The following XRCC5 variants were observed in gnomAD, a reference collection of about 807,000 sequenced individuals.
XRCC5 encodes X-ray repair cross complementing 5, also known as DNA repair protein Ku80.
A neutral mutation model predicts 95.7 loss-of-function variants in XRCC5; 12 were observed. The ratio of observed to expected loss-of-function variants is 0.13; its 90% CI spans 0.08 to 0.20. The LOEUF is 0.20. Among genes scored for constraint, XRCC5 ranks in the 10% least tolerant of loss-of-function variants. The pLI, the probability that XRCC5 is intolerant of heterozygous loss-of-function variation, is 1.00. For synonymous variants in XRCC5, 281 were observed against 290.3 expected (o/e 0.97, Z 0.33); for missense variants, 595 against 873.9 (o/e 0.68, Z 4.02).
At chr2:216,136,127 C>T (rs941979536) in intron 10 of XRCC5, among the ~76,000 whole-genome samples, 1 of 152,028 alleles carries the variant, frequency 6.6e-6, no homozygotes, top group East Asian at 1.9e-4. Context: ...GAGGCCGAGG[C>T]AGGCGGATCA....
chr2:216,119,700 T>C (rs186081632), intron 5 of XRCC5, among the ~76,000 whole-genome samples: 42 of 152,318 alleles, frequency 2.8e-4, no homozygotes, highest in African/African-American at 9.6e-4. Context: ...TTGCTTCTGT[T>C]AATTCAGAGA....
At chr2:216,118,156 G>A (rs1029472832) in intron 4 of XRCC5, among the ~76,000 whole-genome samples, 1 of 151,206 alleles carries the variant, frequency 6.6e-6, no homozygotes, top group Admixed American at 6.6e-5. Context: ...TTTTTGTTGT[G>A]TGTGTGTATG....
intron 6 of XRCC5, among the ~76,000 whole-genome samples, chr2:216,123,935 G>A (rs1395098057): frequency 2.0e-5 from 3 of 152,198 alleles, no homozygotes; most frequent in Admixed American, 6.5e-5. Context: ...GCATTTCGAC[G>A]CTACTTTGAT....
At chr2:216,143,745 T>C (rs1697208047) in intron 13 of XRCC5, among the ~76,000 whole-genome samples, 1 of 152,166 alleles carries the variant, frequency 6.6e-6, no homozygotes, top group South Asian at 2.1e-4. Flanking sequence ...TCTCACTCTG[T>C]CACCCAGGCT....
At chr2:216,172,466 TTTC>T (rs1181073718) in intron 16 of XRCC5, among the ~76,000 whole-genome samples, 3 of 123,480 alleles carry the variant, frequency 2.4e-5, no homozygotes, top group Non-Finnish European at 5.0e-5. Flanking sequence ...CAGCTTTTCT[TTTC>T]TTTTTTTTTT....
intron 2 of XRCC5, 115 bp from the exon 3 acceptor site, chr2:216,116,544 G>T: frequency 8.9e-7 from 1 of 1,120,886 alleles, no homozygotes. Flanking sequence ...AATACTATAT[G>T]GCCCCAGGGA....
intron 14 of XRCC5, among the ~76,000 whole-genome samples, chr2:216,154,529 T>C (rs764318843): frequency 1.2e-4 from 18 of 152,188 alleles, no homozygotes; most frequent in Non-Finnish European, 2.6e-4. Context: ...TTCACTAATT[T>C]CCCTAATTTG....
At chr2:216,117,953 T>A (rs1463056029) in intron 4 of XRCC5, among the ~76,000 whole-genome samples, 159 bp downstream of exon 4, 1 of 152,220 alleles carries the variant, frequency 6.6e-6, no homozygotes, top group East Asian at 1.9e-4. Flanking sequence ...CCAACCTCTC[T>A]GTTTTTTAAA....
At chr2:216,195,305 C>G (rs977489872) in intron 19 of XRCC5, among the ~76,000 whole-genome samples, 1 of 142,160 alleles carries the variant, frequency 7.0e-6, no homozygotes, top group African/African-American at 2.5e-5. Context: ...GATTCCCACC[C>G]TGGCCACACA....
chr2:216,182,642 G>A (rs1427956160), intron 16 of XRCC5, among the ~76,000 whole-genome samples: 2 of 152,118 alleles, frequency 1.3e-5, no homozygotes, highest in Non-Finnish European at 2.9e-5. Context: ...CTAAAAAGCT[G>A]AAAGATATCA....
At chr2:216,156,792 C>T in intron 14 of XRCC5, 1 of 499,630 alleles carries the variant, frequency 2.0e-6, no homozygotes, top group Non-Finnish European at 4.1e-6. Flanking sequence ...AGTAACCACA[C>T]AATCCTGTCC....
chr2:216,202,609 T>C (rs1466497792), intron 19 of XRCC5, among the ~76,000 whole-genome samples: 1 of 152,184 alleles, frequency 6.6e-6, no homozygotes, highest in Non-Finnish European at 1.5e-5. Context: ...CTCTCTCTTA[T>C]ACCATTGATT....
At chr2:216,133,893 G>T (rs1282680423) in intron 10 of XRCC5, among the ~76,000 whole-genome samples, 1 of 152,176 alleles carries the variant, frequency 6.6e-6, no homozygotes, top group Non-Finnish European at 1.5e-5. Flanking sequence ...GTGTAGGTAG[G>T]CAGGGGTGTA....
intron 16 of XRCC5, 115 bp from the exon 17 acceptor site, chr2:216,190,110 C>T: frequency 6.8e-6 from 5 of 738,170 alleles, no homozygotes; most frequent in East Asian, 2.9e-5. Flanking sequence ...GGCAATTGTG[C>T]TTGCTGACCA....
chr2:216,156,624 C>A, intron 14 of XRCC5: 1 of 561,684 alleles, frequency 1.8e-6, no homozygotes, highest in Admixed American at 1.9e-5. Flanking sequence ...TTCTTTGCAT[C>A]ATCTGCCTAC....
chr2:216,150,992 T>G (rs1272759624), intron 14 of XRCC5, among the ~76,000 whole-genome samples: 1 of 152,214 alleles, frequency 6.6e-6, no homozygotes, highest in Non-Finnish European at 1.5e-5. Flanking sequence ...CATTATAATC[T>G]TATGAGACCA....
At chr2:216,174,874 G>A (rs1013087021) in intron 16 of XRCC5, 3 of 307,076 alleles carry the variant, frequency 9.8e-6, no homozygotes, top group East Asian at 9.0e-5. Context: ...GCTAAGAATT[G>A]TAGCCCCTCT....
intron 16 of XRCC5, chr2:216,175,594 T>G: frequency 2.6e-6 from 1 of 391,662 alleles, no homozygotes; most frequent in Non-Finnish European, 4.9e-6. Flanking sequence ...CTTGCTATAG[T>G]TTTCAGAGTA....
intron 10 of XRCC5, among the ~76,000 whole-genome samples, chr2:216,136,860 A>G (rs1042863652): frequency 6.6e-6 from 1 of 152,202 alleles, no homozygotes; most frequent in Non-Finnish European, 1.5e-5. Flanking sequence ...AAAAATTTAG[A>G]GAAGGAAGGT....
Sources: allele counts gnomAD v4.1 joint callset (sites outside exome capture counted in the v4.1 genomes callset), GRCh38; gene constraint gnomAD v4.1.1; transcripts MANE v1.5; gene names NCBI Gene and HGNC (gene_info 2026-07-23, HGNC 2026-07-21).